Variants in ZC3H12B observed in about 807,000 individuals in gnomAD.
ZC3H12B encodes probable ribonuclease ZC3H12B.
A neutral mutation model predicts 43.9 loss-of-function variants in ZC3H12B; 7 were observed. That is an observed-to-expected ratio of 0.16 (90% CI 0.09 to 0.30). The LOEUF (loss-of-function observed/expected upper bound fraction) is 0.30, where lower values mean the gene tolerates loss of function less well. ZC3H12B is among the 10% of genes least tolerant of loss of function. The probability of loss-of-function intolerance (pLI) is 1.00; values close to 1 mark genes in which losing one functional copy is unlikely to be tolerated. For missense variants in ZC3H12B, 475 were observed against 670.2 expected (o/e 0.71, Z 3.22); for synonymous variants, 222 against 241.7 (o/e 0.92, Z 0.76).
the ZC3H12B span, among the ~76,000 whole-genome samples, chrX:65,099,347 G>A: frequency 1.8e-5 from 2 of 111,744 alleles, no homozygotes; most frequent in East Asian, 5.7e-4. Context: ...CCTGACAAGG[G>A]GAGTTCTCCA....
At chrX:65,314,304 A>T in the ZC3H12B span, among the ~76,000 whole-genome samples, 2 of 111,903 alleles carry the variant, frequency 1.8e-5, no homozygotes, top group African/African-American at 6.5e-5. Context: ...AAATTTACAC[A>T]TTTAAGAAGC....
chrX:65,323,262 G>C, the ZC3H12B span, among the ~76,000 whole-genome samples: 1 of 111,945 alleles, frequency 8.9e-6, no homozygotes, highest in African/African-American at 3.3e-5. Flanking sequence ...TCAACATTGA[G>C]TATAATGTTG....
the ZC3H12B span, among the ~76,000 whole-genome samples, chrX:65,281,490 T>A: frequency 3.6e-5 from 4 of 111,763 alleles, no homozygotes; most frequent in Admixed American, 3.8e-4. Context: ...CTTCCCAAAG[T>A]GCTAGGACTA....
At chrX:65,042,931 C>T in the ZC3H12B span, among the ~76,000 whole-genome samples, 1 of 111,405 alleles carries the variant, frequency 9.0e-6, no homozygotes, top group African/African-American at 3.3e-5. Flanking sequence ...TTGTTTCTTT[C>T]AGTGTATCTA....
At chrX:65,207,824 C>T in the ZC3H12B span, among the ~76,000 whole-genome samples, 6 of 53,195 alleles carry the variant, frequency 1.1e-4, no homozygotes, top group Non-Finnish European at 1.7e-4. Flanking sequence ...GAATGTTCTT[C>T]CATTTGTTTG....
At chrX:65,447,885 T>C (rs909762874) in intron 3 of ZC3H12B, among the ~76,000 whole-genome samples, 1 of 111,270 alleles carries the variant, frequency 9.0e-6, no homozygotes, top group African/African-American at 3.3e-5. Context: ...AAAACCACAA[T>C]GAGATACCAC....
chrX:65,452,659 G>T (rs1189036895), intron 3 of ZC3H12B, among the ~76,000 whole-genome samples: 1 of 111,483 alleles, frequency 9.0e-6, no homozygotes, highest in Admixed American at 9.6e-5. Context: ...TGGCCAACAT[G>T]GTGAAACCCC....
chrX:65,326,665 A>G, the ZC3H12B span, among the ~76,000 whole-genome samples: 1 of 111,782 alleles, frequency 8.9e-6, no homozygotes, highest in African/African-American at 3.2e-5. Context: ...AAGAATTTGA[A>G]TGGTTCTAAC....
At chrX:65,232,714 C>G in the ZC3H12B span, among the ~76,000 whole-genome samples, 1 of 110,229 alleles carries the variant, frequency 9.1e-6, no homozygotes, top group South Asian at 3.9e-4. Flanking sequence ...AAACAAATAA[C>G]AAAATAGTGG....
the ZC3H12B span, among the ~76,000 whole-genome samples, chrX:65,044,088 G>C: frequency 9.0e-6 from 1 of 111,671 alleles, no homozygotes; most frequent in South Asian, 3.8e-4. Context: ...TATACCATCA[G>C]ATAATGATAA....
intron 1 of ZC3H12B, among the ~76,000 whole-genome samples, chrX:65,493,879 A>C (rs1041554322): frequency 8.9e-6 from 1 of 111,935 alleles, no homozygotes; most frequent in African/African-American, 3.2e-5. Flanking sequence ...TTCAAAAAAA[A>C]TTATTCATTC....
exon 3 of ZC3H12B, chrX:65,499,036 T>C (rs2068328939): frequency 8.3e-7 from 1 of 1,209,587 alleles, no homozygotes; most frequent in Non-Finnish European, 1.1e-6. Flanking sequence ...AGGAAAAGAT[T>C]CTTGTCTTCA....
chrX:65,364,247 C>T (rs1362601834), upstream of ZC3H12B, among the ~76,000 whole-genome samples: 1 of 110,786 alleles, frequency 9.0e-6, no homozygotes, highest in African/African-American at 3.3e-5. Context: ...CTCACTCTTG[C>T]AAAGGAACTA....
At chrX:65,159,894 T>C in the ZC3H12B span, among the ~76,000 whole-genome samples, 1 of 111,712 alleles carries the variant, frequency 9.0e-6, no homozygotes, top group Non-Finnish European at 1.9e-5. Context: ...ATATTGGCTG[T>C]GGGTTTGTCA....
chrX:65,073,381 G>A, the ZC3H12B span, among the ~76,000 whole-genome samples: 55 of 112,085 alleles, frequency 4.9e-4, no homozygotes, highest in African/African-American at 1.7e-3. Context: ...TTCTGGCCAG[G>A]CATGGTTCAC....
chrX:65,332,221 T>A, the ZC3H12B span, among the ~76,000 whole-genome samples: 2 of 110,691 alleles, frequency 1.8e-5, no homozygotes, highest in African/African-American at 6.6e-5. Context: ...CTTCTGTAAC[T>A]TCTTCAGGCT....
chrX:65,079,928 CAG>C, the ZC3H12B span, among the ~76,000 whole-genome samples: 1 of 110,951 alleles, frequency 9.0e-6, no homozygotes, highest in Non-Finnish European at 1.9e-5. Flanking sequence ...ATCTTCCAGA[CAG>C]AGAATTCAAA....
intron 2 of ZC3H12B, 59 bp downstream of exon 7, chrX:65,497,330 G>T: frequency 9.4e-7 from 1 of 1,067,820 alleles, no homozygotes; most frequent in Non-Finnish European, 1.3e-6. Flanking sequence ...AAGATAGTTT[G>T]GGGATGGTCC....
the ZC3H12B span, among the ~76,000 whole-genome samples, chrX:65,077,720 A>G: frequency 2.7e-5 from 3 of 111,655 alleles, no homozygotes; most frequent in Non-Finnish European, 5.7e-5. Context: ...GCAAGGTTAA[A>G]TTTGTTTTTG....
Sources: gnomAD v4.1 joint callset for allele counts (sites outside exome capture counted in the v4.1 genomes callset) on GRCh38, gnomAD v4.1.1 for gene constraint, MANE v1.5 for transcripts, NCBI Gene and HGNC (gene_info 2026-07-23, HGNC 2026-07-21) for gene names.